PPP2R2B: variants seen among roughly 807,000 people sequenced by gnomAD.
PPP2R2B encodes protein phosphatase 2 regulatory subunit Bbeta.
PPP2R2B carries 5 observed loss-of-function variants against 46.0 expected under a neutral mutation model. That is an observed-to-expected ratio of 0.11 (90% CI 0.06 to 0.23). The LOEUF is 0.23. PPP2R2B is among the 10% of genes least tolerant of loss of function. PPP2R2B has a pLI of 1.00. For synonymous variants in PPP2R2B, 215 were observed against 206.7 expected (o/e 1.04, Z -0.34); for missense variants, 367 against 575.0 (o/e 0.64, Z 3.70).
chr5:146,927,737 C>CT (rs1203303963), intron 1 of PPP2R2B, among the ~76,000 whole-genome samples: 237 of 142,458 alleles, frequency 1.7e-3, no homozygotes, highest in East Asian at 2.4e-3. Context: ...ATACTTTCTT[C>CT]TTTTTTTTTT....
chr5:146,650,491 G>A (rs915207060), intron 6 of PPP2R2B, 56 bp downstream of exon 6: 13 of 1,502,994 alleles, frequency 8.6e-6, no homozygotes, highest in South Asian at 3.8e-5. Context: ...CAGCCCACTC[G>A]CACCTGAATA....
chr5:146,832,850 T>C (rs1167396587), intron 2 of PPP2R2B, among the ~76,000 whole-genome samples: 1 of 152,102 alleles, frequency 6.6e-6, no homozygotes, highest in African/African-American at 2.4e-5. Context: ...AGCCTAGGTG[T>C]GCAGTAGGCT....
intron 1 of PPP2R2B, among the ~76,000 whole-genome samples, chr5:146,938,727 G>GA (rs1764230967): frequency 7.0e-6 from 1 of 141,994 alleles, no homozygotes; most frequent in Admixed American, 7.1e-5. Flanking sequence ...TCAAAAATTG[G>GA]AAAACTACTG....
chr5:146,590,350 G>A (rs1770493989), intron 9 of PPP2R2B, 124 bp from the exon 10 acceptor site: 1 of 902,648 alleles, frequency 1.1e-6, no homozygotes, highest in African/African-American at 1.8e-5. Flanking sequence ...ACCAAAAAAT[G>A]AGAACAGGCT....
intron 2 of PPP2R2B, among the ~76,000 whole-genome samples, chr5:147,075,667 G>A (rs1757741452): frequency 6.6e-6 from 1 of 152,090 alleles, no homozygotes; most frequent in African/African-American, 2.4e-5. Context: ...TAGTAACGGT[G>A]TCCACCAACC....
intron 1 of PPP2R2B, among the ~76,000 whole-genome samples, chr5:147,055,095 T>C (rs1258929330): frequency 6.6e-6 from 1 of 152,168 alleles, no homozygotes; most frequent in Non-Finnish European, 1.5e-5. Context: ...CTTTAAAGCA[T>C]TAACTTAGGA....
At chr5:146,825,818 A>G (rs868226209) in intron 2 of PPP2R2B, among the ~76,000 whole-genome samples, 2 of 152,238 alleles carry the variant, frequency 1.3e-5, no homozygotes, top group African/African-American at 4.8e-5. Context: ...ATGACATGCT[A>G]TGAAAGCAAG....
At chr5:146,769,895 T>C (rs888151235) in intron 2 of PPP2R2B, among the ~76,000 whole-genome samples, 12 of 152,180 alleles carry the variant, frequency 7.9e-5, no homozygotes, top group Non-Finnish European at 1.3e-4. Context: ...ACACATGTAC[T>C]TGTCTTTGAC....
intron 1 of PPP2R2B, among the ~76,000 whole-genome samples, chr5:147,030,925 C>A (rs1042955923): frequency 6.6e-6 from 1 of 152,150 alleles, no homozygotes; most frequent in African/African-American, 2.4e-5. Context: ...TAAATTATCT[C>A]ATATTTTACT....
intron 2 of PPP2R2B, among the ~76,000 whole-genome samples, chr5:146,860,942 C>A (rs552675613): frequency 6.6e-6 from 1 of 152,116 alleles, no homozygotes; most frequent in East Asian, 1.9e-4. Flanking sequence ...TTGCTAAAGC[C>A]TTTTCACCCA....
At chr5:146,630,344 A>G (rs1443869059) in intron 7 of PPP2R2B, among the ~76,000 whole-genome samples, 1 of 152,068 alleles carries the variant, frequency 6.6e-6, no homozygotes, top group Non-Finnish European at 1.5e-5. Flanking sequence ...GTCTGAAATG[A>G]CCTCGGTTAT....
chr5:146,906,360 T>C (rs1018518459), intron 1 of PPP2R2B, among the ~76,000 whole-genome samples: 1 of 151,970 alleles, frequency 6.6e-6, no homozygotes, highest in Non-Finnish European at 1.5e-5. Context: ...TTCACTCTTG[T>C]TGCCCAGGCT....
At chr5:146,865,067 A>T (rs1030206107) in intron 2 of PPP2R2B, among the ~76,000 whole-genome samples, 1 of 152,242 alleles carries the variant, frequency 6.6e-6, no homozygotes, top group Non-Finnish European at 1.5e-5. Context: ...AGTCTATAAC[A>T]TAACCAAATA....
intron 1 of PPP2R2B, among the ~76,000 whole-genome samples, chr5:147,041,038 A>T (rs1047292359): frequency 1.3e-5 from 2 of 152,170 alleles, no homozygotes; most frequent in Admixed American, 1.3e-4. Context: ...TGTCAGAAAC[A>T]GTCAAACCAC....
At chr5:146,836,689 T>G (rs1353785960) in intron 2 of PPP2R2B, among the ~76,000 whole-genome samples, 1 of 152,244 alleles carries the variant, frequency 6.6e-6, no homozygotes, top group Admixed American at 6.5e-5. Context: ...CTGAGAACTG[T>G]TCTTTGTAGA....
chr5:146,892,757 T>C (rs1400866488), intron 1 of PPP2R2B, among the ~76,000 whole-genome samples: 1 of 152,212 alleles, frequency 6.6e-6, no homozygotes, highest in African/African-American at 2.4e-5. Context: ...AGCCCTCTGT[T>C]GTAGGTTTCC....
At chr5:146,816,067 A>C (rs1000165488) in intron 2 of PPP2R2B, among the ~76,000 whole-genome samples, 1 of 152,072 alleles carries the variant, frequency 6.6e-6, no homozygotes, top group African/African-American at 2.4e-5. Flanking sequence ...TATCTTGACC[A>C]CTCCACTATA....
chr5:146,905,159 G>T (rs1455535634), intron 1 of PPP2R2B, among the ~76,000 whole-genome samples: 1 of 152,162 alleles, frequency 6.6e-6, no homozygotes, highest in Non-Finnish European at 1.5e-5. Context: ...TGTTGGTGAG[G>T]ACATGGAGCA....
chr5:146,805,353 G>A (rs1757113889), intron 2 of PPP2R2B, among the ~76,000 whole-genome samples: 1 of 152,150 alleles, frequency 6.6e-6, no homozygotes. Context: ...CTTGGCATTA[G>A]AGAAAGTCAA....
Sources: allele counts gnomAD v4.1 joint callset (sites outside exome capture counted in the v4.1 genomes callset), GRCh38; gene constraint gnomAD v4.1.1; transcripts MANE v1.5; gene names NCBI Gene and HGNC (gene_info 2026-07-23, HGNC 2026-07-21).